Variants in MRRF observed in about 807,000 individuals in gnomAD.
MRRF encodes the protein mitochondrial ribosome recycling factor.
Under a neutral mutation model 25.1 loss-of-function variants are expected in MRRF, and 18 were observed. The ratio of observed to expected loss-of-function variants is 0.72; its 90% CI spans 0.50 to 1.06. MRRF has a LOEUF of 1.06. MRRF is among the 50% of genes least tolerant of loss of function. The pLI is 0.00. For synonymous variants in MRRF, 113 were observed against 112.1 expected (o/e 1.01, Z -0.05); for missense variants, 323 against 319.3 (o/e 1.01, Z -0.09).
intron 5 of MRRF, among the ~76,000 whole-genome samples, chr9:122,294,222 C>T (rs1429101917): frequency 6.6e-6 from 1 of 152,146 alleles, no homozygotes; most frequent in African/African-American, 2.4e-5. Flanking sequence ...TGAATTTGTG[C>T]TACTAAATGC....
chr9:122,265,321 C>G (rs1831996409), intron 1 of MRRF: 1 of 161,202 alleles, frequency 6.2e-6, no homozygotes, highest in Admixed American at 6.2e-5. Context: ...CGCTTAAATT[C>G]AGACCTAGGG....
chr9:122,307,956 A>G (rs573646949), intron 5 of MRRF, among the ~76,000 whole-genome samples: 114 of 152,320 alleles, frequency 7.5e-4, no homozygotes, highest in African/African-American at 2.6e-3. Flanking sequence ...TCATTGAAAC[A>G]ATAGGAAGTA....
chr9:122,308,384 T>C (rs1477403897), intron 5 of MRRF, among the ~76,000 whole-genome samples: 1 of 149,394 alleles, frequency 6.7e-6, no homozygotes, highest in Non-Finnish European at 1.5e-5. Flanking sequence ...ACTGTTTTAG[T>C]CTTTTTTTTT....
chr9:122,267,069 CAA>C (rs755642170), intron 1 of MRRF, among the ~76,000 whole-genome samples: 10 of 77,478 alleles, frequency 1.3e-4, no homozygotes, highest in Admixed American at 6.2e-4. Context: ...GACTCCGTCT[CAA>C]AAAAAAAAAA....
At position 122,325,788 on chromosome 9, in the gene MRRF, C is replaced by G. The variant is rs1836120966; in HGVS notation, c.*3171C>G. ...ATATATCTTTCCAGACCTCCTTTCT[C>G]TGTGCATATATGTGTGTGTGTGTGT... On this transcript the variant is annotated 3_prime_UTR_variant, in exon 7 of 7. Coordinates refer to ENST00000344641, the MANE Select transcript of MRRF (RefSeq NM_138777.5). The G allele has an allele frequency of 6.9e-6, 1 of 145,640 alleles. No individual in the cohort carries two copies. The highest frequency in any genetic ancestry group is 1.5e-5 in the Non-Finnish European group (1 of 66,314). 9.0% of individuals were successfully genotyped at this position (145,640 alleles called of 1,614,324 possible).
intron 5 of MRRF, among the ~76,000 whole-genome samples, chr9:122,312,138 G>A (rs1835241734): frequency 1.3e-5 from 2 of 152,188 alleles, no homozygotes; most frequent in Admixed American, 1.3e-4. Flanking sequence ...GATTACAAGA[G>A]TAAAAAGAAT....
intron 2 of MRRF, among the ~76,000 whole-genome samples, chr9:122,278,968 G>A (rs1832939761): frequency 6.6e-6 from 1 of 152,006 alleles, no homozygotes. Flanking sequence ...CACCTCCCGG[G>A]TTCAAGCGAT....
intron 2 of MRRF, 127 bp downstream of exon 2, chr9:122,271,202 C>T: frequency 1.2e-6 from 1 of 850,936 alleles, no homozygotes; most frequent in East Asian, 2.5e-5. Context: ...GGTGCCTCAG[C>T]TATTTCATTG....
chr9:122,277,334 C>CA (rs375498132), intron 2 of MRRF, among the ~76,000 whole-genome samples: 2 of 152,264 alleles, frequency 1.3e-5, no homozygotes, highest in African/African-American at 4.8e-5. Context: ...AATGTAGCTA[C>CA]ACCAGCCTTC....
rs1374583723 is a variant in MRRF, at chr9:122,328,660, T to C, written c.*6043T>C. The C allele has an allele frequency of 6.6e-6, 1 of 152,236 alleles. No homozygotes were observed. Among genetic ancestry groups the C allele is most frequent in the South Asian group, 2.1e-4 (1 of 4,832 alleles). 9.4% of individuals were successfully genotyped at this position (152,236 alleles called of 1,614,324 possible). A position where few individuals can be genotyped will look rare whatever the true frequency, so the allele number is the denominator to read the frequency against. On this transcript the variant is annotated 3_prime_UTR_variant, in exon 7 of 7. Coordinates refer to ENST00000344641, the MANE Select transcript of MRRF (RefSeq NM_138777.5). Reference sequence around the variant, plus strand: ...TTTACATTTATTTATAATAGTGATATGTTTAGTAGAACCCATTTACTTTTT... The same window carrying C: ...TTTACATTTATTTATAATAGTGATACGTTTAGTAGAACCCATTTACTTTTT...
intron 6 of MRRF, among the ~76,000 whole-genome samples, chr9:122,317,477 A>G (rs377102348): frequency 1.3e-5 from 2 of 152,320 alleles, no homozygotes; most frequent in South Asian, 2.1e-4. Flanking sequence ...TATATATAAT[A>G]GTAGAAAACT....
At chr9:122,279,165 CCAGCCCCACATCTTCTAT>C (rs1422352666) in intron 2 of MRRF, among the ~76,000 whole-genome samples, 4 of 152,166 alleles carry the variant, frequency 2.6e-5, no homozygotes, top group Admixed American at 2.0e-4. Flanking sequence ...GCCACTGCGC[CCAGCCCCACATCTTCTAT>C]CAGTTCTGAA....
rs893827027 is a variant in MRRF, at chr9:122,330,122, C to T, written c.*7505C>T. ...GTACTCCCCTCCCACCGGCGCTTCCCTTTGCTAGCATCTGCAGCCACAAGT... is the reference window on the plus strand; with the variant it reads ...GTACTCCCCTCCCACCGGCGCTTCCTTTTGCTAGCATCTGCAGCCACAAGT... On this transcript the variant is annotated 3_prime_UTR_variant, in exon 7 of 7. Coordinates refer to ENST00000344641, the MANE Select transcript of MRRF (RefSeq NM_138777.5). This position sits in a 1 kb window ranked among gnomAD's most constrained non-coding sequence, Gnocchi z 4.2. The T allele has an allele frequency of 2.6e-5, 4 of 152,396 alleles. No homozygotes were observed. Among genetic ancestry groups the T allele is most frequent in the Non-Finnish European group, 4.4e-5 (3 of 68,184 alleles). The allele number at this position is 152,396 out of a possible 1,614,324, so 9.4% of individuals were successfully genotyped here.
rs1359580883 is a variant in MRRF, at chr9:122,330,781, T to A, written c.*8164T>A. ...CCCATCTCTACTAAAAATAAAAAAT[T>A]TAGCCAGGTGTGGTGGCGGGCGCCT... On this transcript the variant is annotated 3_prime_UTR_variant, in exon 7 of 7. Transcript: ENST00000344641. This position sits in a 1 kb window ranked among gnomAD's most constrained non-coding sequence, Gnocchi z 4.2. 6.6e-6 allele frequency: 1 copy of A among 152,056 alleles called. No individual in the cohort carries two copies. The highest frequency in any genetic ancestry group is 1.5e-5 in the Non-Finnish European group (1 of 68,022). 9.4% of individuals were successfully genotyped at this position (152,056 alleles called of 1,614,324 possible). A position where few individuals can be genotyped will look rare whatever the true frequency, so the allele number is the denominator to read the frequency against.
chr9:122,280,976 T>A (rs1833066244), intron 3 of MRRF, among the ~76,000 whole-genome samples: 2 of 152,214 alleles, frequency 1.3e-5, no homozygotes, highest in Admixed American at 1.3e-4. Context: ...TTATTATGAA[T>A]GTACTATAAA....
At chr9:122,267,069 CAAAAAAAAAA>C (rs755642170) in intron 1 of MRRF, among the ~76,000 whole-genome samples, 1 of 77,508 alleles carries the variant, frequency 1.3e-5, no homozygotes, top group Admixed American at 1.6e-4. Context: ...GACTCCGTCT[CAAAAAAAAAA>C]AAAAAGAAAA....
intron 5 of MRRF, among the ~76,000 whole-genome samples, chr9:122,296,906 A>G (rs1054814034): frequency 4.6e-5 from 7 of 152,208 alleles, no homozygotes; most frequent in Non-Finnish European, 8.8e-5. Context: ...TCACCCAGGA[A>G]ACAAAACTAC....
At chr9:122,285,800 ATACTT>A (rs1430902894) in intron 4 of MRRF, 3 of 1,281,358 alleles carry the variant, frequency 2.3e-6, no homozygotes, top group African/African-American at 1.6e-5. Context: ...AAATAAAACA[ATACTT>A]TAATGGGCCA....
At chr9:122,298,433 A>G (rs1203757402) in intron 5 of MRRF, among the ~76,000 whole-genome samples, 1 of 152,214 alleles carries the variant, frequency 6.6e-6, no homozygotes, top group Non-Finnish European at 1.5e-5. Context: ...AATTTCAAGT[A>G]TATGTGATGA....
Sources: gnomAD v4.1 joint callset for allele counts (sites outside exome capture counted in the v4.1 genomes callset) on GRCh38, gnomAD v4.1.1 for gene constraint, Gnocchi (gnomAD v3.1) non-coding constraint, MANE v1.5 for transcripts, NCBI Gene and HGNC (gene_info 2026-07-23, HGNC 2026-07-21) for gene names.